The following KIAA1217 variants were observed in gnomAD, a reference collection of about 807,000 sequenced individuals.
KIAA1217 encodes KIAA1217.
Under a neutral mutation model 163.9 loss-of-function variants are expected in KIAA1217, and 88 were observed. That is an observed-to-expected ratio of 0.54 (90% confidence interval 0.45 to 0.64). KIAA1217 has a LOEUF of 0.64. Ranked by LOEUF, KIAA1217 falls within the 30% of genes least tolerant of loss-of-function variation. The pLI, the probability that KIAA1217 is intolerant of heterozygous loss-of-function variation, is 0.00. For synonymous variants in KIAA1217, 903 were observed against 923.1 expected (o/e 0.98, Z 0.39); for missense variants, 2,372 against 2,475.0 (o/e 0.96, Z 0.88).
chr10:24,186,584 T>C (rs1465360490), intron 2 of KIAA1217, among the ~76,000 whole-genome samples: 3 of 152,184 alleles, frequency 2.0e-5, no homozygotes, highest in African/African-American at 7.2e-5. Flanking sequence ...CTTTGTTGTA[T>C]CTCCCATCTA....
At chr10:23,824,656 A>AT (rs1564453885) in intron 1 of KIAA1217, among the ~76,000 whole-genome samples, 4 of 82,318 alleles carry the variant, frequency 4.9e-5, no homozygotes, top group Admixed American at 1.2e-4. Context: ...AAAAATAAAA[A>AT]AAATATATAT....
At chr10:24,103,344 G>A (rs753696206) in intron 2 of KIAA1217, among the ~76,000 whole-genome samples, 5 of 151,994 alleles carry the variant, frequency 3.3e-5, no homozygotes, top group Non-Finnish European at 7.4e-5. Context: ...CCTTAGATGT[G>A]GTAATGACTT....
intron 1 of KIAA1217, among the ~76,000 whole-genome samples, chr10:24,215,028 A>G (rs1470533642): frequency 6.6e-6 from 1 of 152,178 alleles, no homozygotes; most frequent in Non-Finnish European, 1.5e-5. Flanking sequence ...TTTCTCCTTG[A>G]GGAGGCCCCA....
intron 5 of KIAA1217, among the ~76,000 whole-genome samples, chr10:24,460,647 T>A (rs557230849): frequency 6.6e-6 from 1 of 152,160 alleles, no homozygotes; most frequent in Non-Finnish European, 1.5e-5. Context: ...TCATCAGAAG[T>A]CATCCATAAC....
intron 2 of KIAA1217, among the ~76,000 whole-genome samples, chr10:24,252,640 A>G (rs77679722): frequency 6.7e-6 from 1 of 150,218 alleles, no homozygotes; most frequent in Non-Finnish European, 1.5e-5. Context: ...TCAGATTTGG[A>G]AAAAAAAAAT....
At chr10:23,752,831 G>A (rs1839812949) in intron 1 of KIAA1217, among the ~76,000 whole-genome samples, 1 of 152,128 alleles carries the variant, frequency 6.6e-6, no homozygotes, top group African/African-American at 2.4e-5. Context: ...CAAAGTGAAT[G>A]GGTATTACCC....
At chr10:24,315,240 C>A (rs934507656) in intron 2 of KIAA1217, among the ~76,000 whole-genome samples, 1 of 152,134 alleles carries the variant, frequency 6.6e-6, no homozygotes, top group Non-Finnish European at 1.5e-5. Flanking sequence ...ATCAACGCTG[C>A]TACACCCAAA....
intron 2 of KIAA1217, among the ~76,000 whole-genome samples, chr10:24,234,805 T>A (rs972705791): frequency 6.6e-6 from 1 of 152,198 alleles, no homozygotes; most frequent in African/African-American, 2.4e-5. Context: ...TTCCTCCATC[T>A]TAATTTGACA....
chr10:24,368,486 T>A (rs1387298205), intron 2 of KIAA1217, among the ~76,000 whole-genome samples: 1 of 152,096 alleles, frequency 6.6e-6, no homozygotes, highest in Non-Finnish European at 1.5e-5. Flanking sequence ...AGCAAATAAT[T>A]GGATATCTGA....
chr10:24,169,101 C>T (rs1281729628), intron 2 of KIAA1217, among the ~76,000 whole-genome samples: 2 of 152,264 alleles, frequency 1.3e-5, no homozygotes, highest in Non-Finnish European at 2.9e-5. Context: ...GATACAATAA[C>T]ATTTTCAAAA....
rs1157107825 is a variant in KIAA1217, at chr10:24,290,654, A to T, written c.354+70745A>T. ...AGTCTTGCTCTGTCACCCAGGCTGGAGTGTAGTGGTGTGATCTCGGCTCAC... is the reference window on the plus strand; with the variant it reads ...AGTCTTGCTCTGTCACCCAGGCTGGTGTGTAGTGGTGTGATCTCGGCTCAC... On this transcript the variant is annotated intron_variant, in intron 2 of 20. Coordinates refer to ENST00000376454, the MANE Select transcript of KIAA1217 (RefSeq NM_019590.5). Among the ~76,000 whole-genome samples, 3 of 144,546 alleles carry T rather than the reference A, an allele frequency of 2.1e-5. No homozygotes were observed. In the Admixed American group the frequency reaches 2.1e-4, roughly 10 times the overall value. 94.8% of individuals were successfully genotyped at this position (144,546 alleles called of 152,430 possible). A position where few individuals can be genotyped will look rare whatever the true frequency, so the allele number is the denominator to read the frequency against.
intron 2 of KIAA1217, among the ~76,000 whole-genome samples, chr10:24,261,786 T>A (rs2075755341): frequency 6.6e-6 from 1 of 152,102 alleles, no homozygotes; most frequent in African/African-American, 2.4e-5. Context: ...GAGTTGTAGG[T>A]CCTGCCACCA....
intron 2 of KIAA1217, among the ~76,000 whole-genome samples, chr10:24,250,410 T>C (rs1460782644): frequency 6.8e-6 from 1 of 146,890 alleles, no homozygotes; most frequent in East Asian, 2.0e-4. Context: ...CCAAAAGTGC[T>C]GACTGGAATT....
At chr10:24,074,035 T>C (rs1047349258) in intron 2 of KIAA1217, among the ~76,000 whole-genome samples, 8 of 151,830 alleles carry the variant, frequency 5.3e-5, no homozygotes, top group African/African-American at 1.9e-4. Context: ...ACTGTCTCTA[T>C]AAAGAAGGTG....
intron 2 of KIAA1217, among the ~76,000 whole-genome samples, chr10:24,340,213 G>A (rs1396537330): frequency 1.3e-5 from 2 of 152,130 alleles, no homozygotes; most frequent in Non-Finnish European, 2.9e-5. Flanking sequence ...TGGCTTGGCC[G>A]TGTCCCCACC....
At chr10:23,833,906 G>C (rs1422701704) in intron 1 of KIAA1217, among the ~76,000 whole-genome samples, 1 of 151,704 alleles carries the variant, frequency 6.6e-6, no homozygotes, top group Non-Finnish European at 1.5e-5. Context: ...TGCTTTTCTT[G>C]TTTTATTGCC....
At chr10:24,475,386 A>C (rs541398685) in intron 6 of KIAA1217, among the ~76,000 whole-genome samples, 2 of 152,350 alleles carry the variant, frequency 1.3e-5, no homozygotes, top group East Asian at 3.9e-4. Flanking sequence ...CTGTTTTCAC[A>C]CACAAGTCAG....
At chr10:24,490,401 C>G (rs570038917) in intron 6 of KIAA1217, among the ~76,000 whole-genome samples, 15 of 152,282 alleles carry the variant, frequency 9.9e-5, no homozygotes, top group Admixed American at 3.3e-4. Context: ...TTCCATGGCA[C>G]TTTGCTTTCT....
At chr10:24,020,126 G>A (rs574011001) in intron 2 of KIAA1217, among the ~76,000 whole-genome samples, 1 of 152,174 alleles carries the variant, frequency 6.6e-6, no homozygotes, top group East Asian at 1.9e-4. Context: ...ATCAACCAAA[G>A]GCAAACAAAA....
Sources: allele counts gnomAD v4.1 joint callset (sites outside exome capture counted in the v4.1 genomes callset), GRCh38; gene constraint gnomAD v4.1.1; transcripts MANE v1.5; gene names NCBI Gene and HGNC (gene_info 2026-07-23, HGNC 2026-07-21).